PLCB1: variants seen among roughly 807,000 people sequenced by gnomAD.
PLCB1 encodes 1-phosphatidylinositol 4,5-bisphosphate phosphodiesterase beta-1.
A neutral mutation model predicts 161.8 loss-of-function variants in PLCB1; 46 were observed. The ratio of observed to expected loss-of-function variants is 0.28; its 90% CI spans 0.22 to 0.36. The LOEUF (loss-of-function observed/expected upper bound fraction) is 0.36, where lower values mean the gene tolerates loss of function less well. Among genes scored for constraint, PLCB1 ranks in the 10% least tolerant of loss-of-function variants. The pLI, the probability that PLCB1 is intolerant of heterozygous loss-of-function variation, is 1.00. For missense variants in PLCB1, 1,016 were observed against 1,472.5 expected, an observed-to-expected ratio of 0.69 and a Z score of 5.07; for synonymous variants, 517 against 503.7, an observed-to-expected ratio of 1.03 and a Z score of -0.35.
At chr20:8,501,886 T>C (rs1380034045) in intron 3 of PLCB1, among the ~76,000 whole-genome samples, 2 of 14,464 alleles carry the variant, frequency 1.4e-4, no homozygotes, top group African/African-American at 3.7e-4. Flanking sequence ...TATATATATA[T>C]ATATATATAT....
intron 31 of PLCB1, among the ~76,000 whole-genome samples, chr20:8,831,912 C>CTCTT (rs1188505689): frequency 0.015 from 882 of 58,562 alleles, 51 homozygotes; most frequent in African/African-American, 0.044. Context: ...CTCTTTCTTT[C>CTCTT]TCTTTCTTTC....
At chr20:8,723,553 C>G (rs1204717957) in intron 15 of PLCB1, among the ~76,000 whole-genome samples, 2 of 152,170 alleles carry the variant, frequency 1.3e-5, no homozygotes, top group African/African-American at 4.8e-5. Context: ...TATGTCATAG[C>G]TAATAATAGC....
intron 3 of PLCB1, among the ~76,000 whole-genome samples, chr20:8,493,712 T>A (rs958549454): frequency 1.5e-5 from 2 of 130,634 alleles, no homozygotes; most frequent in African/African-American, 6.0e-5. Flanking sequence ...TGCTATAGCA[T>A]CACTGGAAGC....
chr20:8,836,121 C>T (rs1161734535), intron 31 of PLCB1, among the ~76,000 whole-genome samples: 11 of 152,078 alleles, frequency 7.2e-5, no homozygotes, highest in Non-Finnish European at 1.6e-4. Flanking sequence ...CTAATCAAAG[C>T]TTGCTCAAAA....
intron 31 of PLCB1, among the ~76,000 whole-genome samples, chr20:8,799,753 C>A (rs1035089545): frequency 1.3e-5 from 2 of 152,214 alleles, no homozygotes; most frequent in East Asian, 3.9e-4. Flanking sequence ...CCTCAGATAC[C>A]CAAATCCACA....
intron 3 of PLCB1, among the ~76,000 whole-genome samples, chr20:8,625,547 T>C (rs1170217477): frequency 2.6e-5 from 4 of 152,208 alleles, no homozygotes; most frequent in African/African-American, 9.6e-5. Context: ...ATAGTTTAAA[T>C]CAATGTGCTC....
intron 3 of PLCB1, among the ~76,000 whole-genome samples, chr20:8,576,607 G>A (rs1190670035): frequency 6.6e-6 from 1 of 151,950 alleles, no homozygotes; most frequent in East Asian, 1.9e-4. Context: ...AAATATTTTG[G>A]GAATATGTAT....
At chr20:8,761,088 T>G (rs1186003649) in intron 25 of PLCB1, among the ~76,000 whole-genome samples, 2 of 152,110 alleles carry the variant, frequency 1.3e-5, no homozygotes, top group Non-Finnish European at 2.9e-5. Flanking sequence ...GGTAGGTAAA[T>G]AAATTGTGAT....
intron 2 of PLCB1, among the ~76,000 whole-genome samples, chr20:8,275,752 A>G (rs1389415660): frequency 6.6e-6 from 1 of 152,114 alleles, no homozygotes; most frequent in East Asian, 1.9e-4. Context: ...AGTTACTGCT[A>G]TTTCCTTTGC....
At chr20:8,628,184 A>G (rs1988416979) in intron 3 of PLCB1, 110 bp from the exon 4 acceptor site, 3 of 887,412 alleles carry the variant, frequency 3.4e-6, no homozygotes, top group Non-Finnish European at 3.5e-6. Flanking sequence ...TCTAGTAAGA[A>G]TAAAAGCAAC....
chr20:8,724,558 T>A (rs1979830192), intron 15 of PLCB1, 98 bp from the exon 16 acceptor site: 1 of 763,890 alleles, frequency 1.3e-6, no homozygotes, highest in Non-Finnish European at 2.2e-6. Flanking sequence ...GAGGGATGAT[T>A]TTCTGCATGC....
chr20:8,771,521 AAG>A (rs904529206), intron 26 of PLCB1, among the ~76,000 whole-genome samples: 4 of 152,082 alleles, frequency 2.6e-5, no homozygotes, highest in African/African-American at 9.7e-5. Context: ...TGACTCTTCC[AAG>A]AGAGACAAGC....
chr20:8,269,977 T>C (rs1029639804), intron 2 of PLCB1, among the ~76,000 whole-genome samples: 1 of 152,110 alleles, frequency 6.6e-6, no homozygotes, highest in African/African-American at 2.4e-5. Context: ...AGATTGTAGA[T>C]TCGAGCTGAA....
chr20:8,348,026 G>T (rs1423710486), intron 2 of PLCB1, among the ~76,000 whole-genome samples: 5 of 152,156 alleles, frequency 3.3e-5, no homozygotes, highest in Admixed American at 6.5e-5. Context: ...CAGGTAGTAA[G>T]ATGGTAAATC....
intron 3 of PLCB1, among the ~76,000 whole-genome samples, chr20:8,428,698 T>C (rs1466227621): frequency 6.6e-6 from 1 of 152,150 alleles, no homozygotes; most frequent in Non-Finnish European, 1.5e-5. Flanking sequence ...TGTGGCCGAT[T>C]GAATAGGAAG....
chr20:8,869,843 G>C (rs1169994741), intron 31 of PLCB1, among the ~76,000 whole-genome samples: 2 of 152,180 alleles, frequency 1.3e-5, no homozygotes, highest in East Asian at 3.8e-4. Context: ...CTGGGTATCA[G>C]TTGGATGTTG....
At chr20:8,373,052 G>C (rs1986953799) in intron 3 of PLCB1, among the ~76,000 whole-genome samples, 1 of 152,152 alleles carries the variant, frequency 6.6e-6, no homozygotes, top group Non-Finnish European at 1.5e-5. Flanking sequence ...AATGTCTACT[G>C]AACAGTGACA....
chr20:8,880,035 C>T (rs1427914019), intron 31 of PLCB1, among the ~76,000 whole-genome samples: 1 of 152,206 alleles, frequency 6.6e-6, no homozygotes, highest in South Asian at 2.1e-4. Flanking sequence ...CCACTCAGGC[C>T]TCCTGAGTCG....
chr20:8,676,459 CAAG>C (rs934603118), intron 9 of PLCB1, among the ~76,000 whole-genome samples: 5 of 149,434 alleles, frequency 3.3e-5, no homozygotes, highest in Non-Finnish European at 5.9e-5. Context: ...ATTTTGAAAG[CAAG>C]AAGATAAAGT....
Sources: allele counts gnomAD v4.1 joint callset (sites outside exome capture counted in the v4.1 genomes callset), GRCh38; gene constraint gnomAD v4.1.1; transcripts MANE v1.5; gene names NCBI Gene and HGNC (gene_info 2026-07-23, HGNC 2026-07-21).